RREB1: variants seen among roughly 807,000 people sequenced by gnomAD.
RREB1 encodes the protein ras responsive element binding protein 1.
In RREB1, 27 loss-of-function variants were observed where a neutral mutation model predicts 117.8. That is an observed-to-expected ratio of 0.23 (90% CI 0.17 to 0.32). The LOEUF is 0.32. Among genes scored for constraint, RREB1 ranks in the 10% least tolerant of loss-of-function variants. The pLI is 1.00. For synonymous variants in RREB1, 1,298 were observed against 1,026.7 expected (o/e 1.26, Z -5.05); for missense variants, 2,577 against 2,378.2 (o/e 1.08, Z -1.74).
rs1364251933 is a variant in RREB1, at chr6:7,230,458, C to A, written c.2359C>A (p.Arg787Ser). 2 of 1,593,610 alleles carry A rather than the reference C, an allele frequency of 1.3e-6. No homozygotes were observed. Among genetic ancestry groups the A allele is most frequent in the Admixed American group, 1.7e-5 (1 of 59,332 alleles). Residue 787 changes from arginine to serine, a missense_variant, in exon 10 of 13, where the codon CGC becomes AGC. Arg to Ser is a moderately radical substitution (Grantham distance 110, BLOSUM62 -1). Coordinates refer to ENST00000379938, the MANE Select transcript of RREB1 (RefSeq NM_001003699.4). ...CGGCCTGGGCGGGGGCCACAAGGGC[C>A]GCAAGCCCTTCGAGTGCAAGGAGTG... The part of the protein sequence containing the change: ...GRGLGGGHKG[R>S]KPFECKECSA...
chr6:7,143,626 C>A (rs115806594), intron 1 of RREB1, among the ~76,000 whole-genome samples: 1,819 of 152,250 alleles, frequency 0.012, 23 homozygotes, highest in Non-Finnish European at 0.016. Flanking sequence ...ACAGCCTGTG[C>A]TTCTAACTGA....
chr6:7,211,820 A>G (rs1413538147), intron 8 of RREB1, 111 bp downstream of exon 8: 6 of 1,156,244 alleles, frequency 5.2e-6, no homozygotes, highest in Non-Finnish European at 7.5e-6. Flanking sequence ...ACTTGGGCAC[A>G]ACAACATTAG....
At position 7,229,244 on chromosome 6, in the gene RREB1, A is replaced by G. The variant is rs2113104581; in HGVS notation, c.1145A>G (p.Glu382Gly). The part of the protein sequence containing the change: ...TKDVRPAPAE[E>G]PLPDDNQAIQ... ...GACGTCAGGCCTGCCCCCGCCGAGG[A>G]GCCCCTGCCGGATGACAACCAGGCA... Residue 382 changes from glutamate (E) to glycine (G), a missense_variant, in exon 10 of 13, where the codon GAG (glutamate) becomes GGG (glycine). Physicochemically the swap from Glu to Gly is moderately conservative, Grantham distance 98. Coordinates refer to ENST00000379938, the MANE Select transcript of RREB1 (RefSeq NM_001003699.4). The surrounding 1 kb of genome is among the most constrained non-coding windows in gnomAD (Gnocchi z 4.5). The G allele has an allele frequency of 6.2e-7, 1 of 1,614,046 alleles. No individual in the cohort carries two copies. Among genetic ancestry groups the G allele is most frequent in the East Asian group, 2.2e-5 (1 of 44,876 alleles).
At chr6:7,232,037 C>T (rs1768019336) in intron 10 of RREB1, 130 bp downstream of exon 10, 9 of 934,924 alleles carry the variant, frequency 9.6e-6, no homozygotes, top group Non-Finnish European at 1.3e-5. Flanking sequence ...TCCCCGGTCT[C>T]CGAAGCCCCG....
At chr6:7,129,019 C>T (rs1398858564) in intron 1 of RREB1, among the ~76,000 whole-genome samples, 2 of 152,194 alleles carry the variant, frequency 1.3e-5, no homozygotes, top group Non-Finnish European at 2.9e-5. Flanking sequence ...ATACCTCCAG[C>T]TTCATCTGAA....
chr6:7,220,175 A>G (rs1237915280), intron 8 of RREB1, among the ~76,000 whole-genome samples: 2 of 152,214 alleles, frequency 1.3e-5, no homozygotes, highest in Non-Finnish European at 2.9e-5. Context: ...AATCTACTCC[A>G]GCACTCTAAA....
intron 11 of RREB1, among the ~76,000 whole-genome samples, chr6:7,244,935 TAC>T (rs1561807446): frequency 6.6e-6 from 1 of 152,200 alleles, no homozygotes; most frequent in Non-Finnish European, 1.5e-5. Flanking sequence ...ACATTGTAGT[TAC>T]ACCTGATCAC....
At chr6:7,130,294 C>T (rs1762095764) in intron 1 of RREB1, among the ~76,000 whole-genome samples, 1 of 152,206 alleles carries the variant, frequency 6.6e-6, no homozygotes, top group African/African-American at 2.4e-5. Context: ...CATTCCTCTC[C>T]TTTGCTCTTT....
intron 1 of RREB1, among the ~76,000 whole-genome samples, chr6:7,137,461 G>A (rs889761534): frequency 2.6e-5 from 4 of 152,234 alleles, no homozygotes; most frequent in South Asian, 4.1e-4. Flanking sequence ...TGCAGGAAGT[G>A]CCTTTGATAA....
intron 8 of RREB1, chr6:7,216,990 T>G (rs775922396): frequency 3.3e-5 from 5 of 152,338 alleles, no homozygotes; most frequent in Non-Finnish European, 4.4e-5. Flanking sequence ...CTGGTTTGGT[T>G]GAACAGTCAG....
chr6:7,191,946 CT>C (rs553846135), intron 6 of RREB1, among the ~76,000 whole-genome samples: 32 of 152,030 alleles, frequency 2.1e-4, no homozygotes, highest in African/African-American at 7.2e-4. Context: ...AATGAACATT[CT>C]TTTTTTGTTT....
At chr6:7,221,304 G>A (rs1767236665) in intron 8 of RREB1, among the ~76,000 whole-genome samples, 2 of 151,980 alleles carry the variant, frequency 1.3e-5, no homozygotes, top group Non-Finnish European at 2.9e-5. Context: ...GAGTAGCTGG[G>A]ACTACAGGCG....
At chr6:7,240,679 T>A in intron 11 of RREB1, 77 bp downstream of exon 11, 1 of 1,386,664 alleles carries the variant, frequency 7.2e-7, no homozygotes, top group South Asian at 1.3e-5. Context: ...CAAACTCCAG[T>A]CCGAGCTGTG....
intron 4 of RREB1, 150 bp from the exon 5 acceptor site, chr6:7,187,284 G>A (rs950094127): frequency 6.2e-5 from 27 of 438,768 alleles, no homozygotes; most frequent in East Asian, 1.3e-4. Flanking sequence ...AGACAGGGCC[G>A]TGACTTGCAC....
At chr6:7,124,865 G>A (rs1273113659) in intron 1 of RREB1, among the ~76,000 whole-genome samples, 1 of 152,232 alleles carries the variant, frequency 6.6e-6, no homozygotes, top group Non-Finnish European at 1.5e-5. Flanking sequence ...GAAGCAGCTA[G>A]CTAGTAGGGC....
chr6:7,246,993 G>A lies in RREB1; in HGVS notation c.4543G>A (p.Gly1515Arg), dbSNP rs751620301. Residue 1515 changes from glycine to arginine, a missense_variant, in exon 12 of 13, where the codon GGG (glycine) becomes AGG (arginine). By Grantham distance (125) the Gly-to-Arg change is moderately radical (BLOSUM62 -2). Transcript: ENST00000379938. ...GGTGGTGGAGTCGGCCCCGGGTGCC[G>A]GGGAGGCCCCGGCGGAAAAGCTCGC... ...AEVVESAPGA[G>R]EAPAEKLAEE... is the part of the protein sequence containing the mutation. 28 of 1,596,396 alleles carry A rather than the reference G, an allele frequency of 1.8e-5. No individual in the cohort carries two copies. The East Asian group carries it at 2.1e-4, about 12-fold the overall frequency.
intron 1 of RREB1, among the ~76,000 whole-genome samples, chr6:7,146,342 C>CG (rs1762856560): frequency 6.6e-6 from 1 of 151,416 alleles, no homozygotes. Context: ...TCTGTGGGAC[C>CG]GGGGGTAGAT....
intron 6 of RREB1, among the ~76,000 whole-genome samples, chr6:7,196,258 C>T (rs1457934142): frequency 2.2e-5 from 3 of 135,484 alleles, no homozygotes; most frequent in Non-Finnish European, 3.1e-5. Flanking sequence ...CTGAAACACT[C>T]GGCCTCACAA....
rs757352942 is a variant in RREB1 at position 7,229,211 on chromosome 6, A to G, written c.1112A>G (p.His371Arg). 9.3e-6 allele frequency: 15 copies of G among 1,613,190 alleles called. No homozygotes were observed. The highest frequency in any genetic ancestry group is 1.3e-5 in the Non-Finnish European group (15 of 1,179,432). The change falls in exon 10 of 13, where the codon CAC (histidine) becomes CGC (arginine). Residue 371 changes from histidine to arginine, a missense_variant. Transcript: ENST00000379938. This position sits in a 1 kb window ranked among gnomAD's most constrained non-coding sequence, Gnocchi z 4.5. ...TTCCTGGCCTTGCTTGGCCTGCAGCACACCAAAGACGTCAGGCCTGCCCCC... is the reference window on the plus strand; with the variant it reads ...TTCCTGGCCTTGCTTGGCCTGCAGCGCACCAAAGACGTCAGGCCTGCCCCC... ...KGFLALLGLQ[H>R]TKDVRPAPAE...
Sources: gnomAD v4.1 joint callset for allele counts (sites outside exome capture counted in the v4.1 genomes callset) on GRCh38, gnomAD v4.1.1 for gene constraint, Gnocchi (gnomAD v3.1) non-coding constraint, MANE v1.5 for transcripts, NCBI Gene and HGNC (gene_info 2026-07-23, HGNC 2026-07-21) for gene names.